The following BICC1 variants were observed in gnomAD, a reference collection of about 807,000 sequenced individuals.
The protein encoded by BICC1 is BicC family RNA binding protein 1, also known as protein bicaudal C homolog 1.
A neutral mutation model predicts 111.0 loss-of-function variants in BICC1; 43 were observed. The observed-to-expected ratio is 0.39, with a 90% CI of 0.30 to 0.50. BICC1 has a LOEUF of 0.50. Ranked by LOEUF, BICC1 falls within the 20% of genes least tolerant of loss-of-function variation. The pLI is 0.88. For synonymous variants in BICC1, 467 were observed against 434.4 expected (o/e 1.07, Z -0.93); for missense variants, 1,091 against 1,203.2 (o/e 0.91, Z 1.38).
At chr10:58,593,837 C>T (rs1301493637) in intron 1 of BICC1, among the ~76,000 whole-genome samples, 1 of 152,074 alleles carries the variant, frequency 6.6e-6, no homozygotes, top group East Asian at 1.9e-4. Flanking sequence ...ATCACAACTC[C>T]TTGCCAGCAA....
rs61692850 is a variant in BICC1 at position 58,555,306 on chromosome 10, A to ATTTT, written c.190+41998_190+42001dup. 3.1e-3 allele frequency among the ~76,000 whole-genome samples: 313 copies of ATTTT among 102,494 alleles called. 12 individuals carry two copies. Among genetic ancestry groups the ATTTT allele is most frequent in the African/African-American group, 0.01 (270 of 25,786 alleles). 67.2% of individuals were successfully genotyped at this position (102,494 alleles called of 152,430 possible). A position where few individuals can be genotyped will look rare whatever the true frequency, so the allele number is the denominator to read the frequency against. On this transcript the variant is annotated intron_variant, in intron 1 of 20. Coordinates refer to ENST00000373886, the MANE Select transcript of BICC1 (RefSeq NM_001080512.3). ...CTGAAGAGAATAGAGGCTGTTGGAC[A>ATTTT]TTTTTTTTTTTTTTTTTTTTTTTTT...
At chr10:58,649,057 C>T (rs745702963) in intron 2 of BICC1, among the ~76,000 whole-genome samples, 11 of 152,102 alleles carry the variant, frequency 7.2e-5, no homozygotes, top group Non-Finnish European at 1.6e-4. Context: ...ACACCTTCTC[C>T]CCAATAAGAA....
chr10:58,784,781 T>G (rs1842965721), intron 3 of BICC1, among the ~76,000 whole-genome samples: 1 of 152,182 alleles, frequency 6.6e-6, no homozygotes, highest in Non-Finnish European at 1.5e-5. Context: ...TAGCCAATTT[T>G]AAGGAAGAAA....
chr10:58,619,125 A>G (rs970078964), intron 1 of BICC1, among the ~76,000 whole-genome samples: 4 of 152,204 alleles, frequency 2.6e-5, no homozygotes, highest in African/African-American at 9.7e-5. Flanking sequence ...TAATCTTCCT[A>G]TCTTTTTATT....
intron 2 of BICC1, among the ~76,000 whole-genome samples, chr10:58,645,447 TA>T (rs1838242544): frequency 6.9e-6 from 1 of 144,576 alleles, no homozygotes; most frequent in Non-Finnish European, 1.5e-5. Flanking sequence ...AGGGAAAAGG[TA>T]TGCAATTAGA....
At chr10:58,687,771 C>T (rs781188032) in intron 2 of BICC1, among the ~76,000 whole-genome samples, 2 of 152,154 alleles carry the variant, frequency 1.3e-5, no homozygotes, top group South Asian at 2.1e-4. Flanking sequence ...TATTCTGTCA[C>T]GGCTTCCCTT....
intron 3 of BICC1, among the ~76,000 whole-genome samples, chr10:58,784,086 C>G (rs1219534307): frequency 6.6e-6 from 1 of 152,172 alleles, no homozygotes; most frequent in African/African-American, 2.4e-5. Flanking sequence ...TCTCTCATAG[C>G]TGGTACTTCC....
rs1840871023 is a variant in BICC1 at position 58,719,507 on chromosome 10, CTTTTCT to C, written c.307+17369_307+17374del. Among the ~76,000 whole-genome samples the C allele has an allele frequency of 1.2e-4, 6 of 49,316 alleles. No individual in the cohort carries two copies. The South Asian group carries it at 9.7e-3, about 80-fold the overall frequency. The allele number at this position is 49,316 out of a possible 152,430, so 32.4% of individuals were successfully genotyped here. Reference sequence around the variant, plus strand: ...CCTTATTCATGCTTACATTTGGGCACTTTTCTTTTTTTTTTTTGAGACGGAGTCTCG... The same window carrying C: ...CCTTATTCATGCTTACATTTGGGCACTTTTTTTTTTTGAGACGGAGTCTCG... On this transcript the variant is annotated intron_variant, in intron 3 of 20. Transcript: ENST00000373886.
rs1249722971 is a variant in BICC1 at position 58,744,475 on chromosome 10, TA to T, written c.308-40520del. Among the ~76,000 whole-genome samples the T allele has an allele frequency of 6.6e-5, 10 of 152,256 alleles. No homozygotes were observed. In the South Asian group the frequency reaches 1.9e-3, roughly 28 times the overall value. ...TCATGCATGCATTTTAAAACTTTGT[TA>T]AAAAATTAGAATGAGGTGCCATTTA... On this transcript the variant is annotated intron_variant, in intron 3 of 20. Transcript: ENST00000373886.
chr10:58,813,316 T>TA (rs1843972533), intron 17 of BICC1, among the ~76,000 whole-genome samples: 1 of 152,306 alleles, frequency 6.6e-6, no homozygotes, highest in East Asian at 1.9e-4. Flanking sequence ...TGTAATTTGT[T>TA]AGAGAGATTG....
At chr10:58,610,600 T>TAATC (rs1406473613) in intron 1 of BICC1, among the ~76,000 whole-genome samples, 2 of 149,788 alleles carry the variant, frequency 1.3e-5, no homozygotes, top group Non-Finnish European at 3.0e-5. Context: ...TTGCCATGGA[T>TAATC]AATCTATCTA....
chr10:58,553,343 G>A (rs1210701602), intron 1 of BICC1, among the ~76,000 whole-genome samples: 1 of 152,142 alleles, frequency 6.6e-6, no homozygotes, highest in African/African-American at 2.4e-5. Context: ...TAGAGTCAGA[G>A]GAATTCAATG....
At chr10:58,512,529 AG>A (rs1403754475), upstream of BICC1, among the ~76,000 whole-genome samples, 2 of 152,116 alleles carry the variant, frequency 1.3e-5, no homozygotes, top group Non-Finnish European at 2.9e-5. Flanking sequence ...GAGAGCATGT[AG>A]GGGGAAGAGA....
chr10:58,765,350 C>T (rs1842428606), intron 3 of BICC1, among the ~76,000 whole-genome samples: 1 of 152,130 alleles, frequency 6.6e-6, no homozygotes, highest in Non-Finnish European at 1.5e-5. Context: ...AGCCACCATG[C>T]CTGGCCTGGT....
chr10:58,651,030 C>T (rs556809212), intron 2 of BICC1, among the ~76,000 whole-genome samples: 1 of 152,136 alleles, frequency 6.6e-6, no homozygotes, highest in Non-Finnish European at 1.5e-5. Flanking sequence ...CTCCTCACCC[C>T]ACTCCCAGCT....
intron 3 of BICC1, among the ~76,000 whole-genome samples, chr10:58,745,605 C>A (rs1217261989): frequency 2.2e-4 from 27 of 125,540 alleles, no homozygotes; most frequent in African/African-American, 7.6e-4. Flanking sequence ...CCCCACCGCC[C>A]CCCCCCCACA....
intron 2 of BICC1, among the ~76,000 whole-genome samples, chr10:58,631,043 C>T (rs1400399117): frequency 2.6e-5 from 4 of 151,942 alleles, no homozygotes; most frequent in South Asian, 2.1e-4. Context: ...GGGTTATTGA[C>T]GTTAATATGT....
chr10:58,807,280 A>G (rs1843738912), intron 17 of BICC1, 122 bp downstream of exon 17: 1 of 878,782 alleles, frequency 1.1e-6, no homozygotes, highest in Non-Finnish European at 1.7e-6. Flanking sequence ...ACTTGTTTTT[A>G]TTTCTATTCT....
At chr10:58,770,413 A>G (rs907546799) in intron 3 of BICC1, among the ~76,000 whole-genome samples, 6 of 152,156 alleles carry the variant, frequency 3.9e-5, no homozygotes, top group Non-Finnish European at 8.8e-5. Flanking sequence ...AATTATGCTG[A>G]TATGTTGTAC....
Sources: gnomAD v4.1 joint callset for allele counts (sites outside exome capture counted in the v4.1 genomes callset) on GRCh38, gnomAD v4.1.1 for gene constraint, MANE v1.5 for transcripts, NCBI Gene and HGNC (gene_info 2026-07-23, HGNC 2026-07-21) for gene names.